Variants in LRP2 observed in about 807,000 individuals in gnomAD.
The protein encoded by LRP2 is LDL receptor related protein 2.
A neutral mutation model predicts 531.0 loss-of-function variants in LRP2; 172 were observed. The ratio of observed to expected loss-of-function variants is 0.32; its 90% CI spans 0.29 to 0.37. The LOEUF (loss-of-function observed/expected upper bound fraction) is 0.37. Ranked by LOEUF, LRP2 falls within the 10% of genes least tolerant of loss-of-function variation. The pLI is 1.00. For synonymous variants in LRP2, 1,992 were observed against 2,027.6 expected, an observed-to-expected ratio of 0.98 and a Z score of 0.47; for missense variants, 5,167 against 5,868.3, an observed-to-expected ratio of 0.88 and a Z score of 3.90.
chr2:169,165,506 T>C (rs1686749794), intron 62 of LRP2, among the ~76,000 whole-genome samples: 1 of 152,210 alleles, frequency 6.6e-6, no homozygotes, highest in Non-Finnish European at 1.5e-5. Context: ...TTGCTTCACA[T>C]GATCTCTGCA....
chr2:169,277,538 G>C (rs547279480), intron 13 of LRP2, among the ~76,000 whole-genome samples: 1 of 152,018 alleles, frequency 6.6e-6, no homozygotes, highest in East Asian at 1.9e-4. Context: ...TTTAATGAGC[G>C]TTTACCTCTT....
At chr2:169,281,919 T>G (rs1297402382) in intron 10 of LRP2, among the ~76,000 whole-genome samples, 2 of 151,730 alleles carry the variant, frequency 1.3e-5, no homozygotes, top group African/African-American at 2.4e-5. Flanking sequence ...CATTAAAAAA[T>G]CTCTAGAACT....
intron 9 of LRP2, 141 bp from the exon 10 acceptor site, chr2:169,283,142 T>G: frequency 1.3e-6 from 1 of 787,316 alleles, no homozygotes; most frequent in African/African-American, 1.7e-5. Context: ...AGGCACAGGT[T>G]CTGAGAATTT....
intron 4 of LRP2, among the ~76,000 whole-genome samples, chr2:169,296,622 A>G (rs2105475632): frequency 6.6e-6 from 1 of 152,188 alleles, no homozygotes. Flanking sequence ...TAGATAAGCT[A>G]TCTGTCTGGA....
intron 44 of LRP2, among the ~76,000 whole-genome samples, 170 bp from the exon 45 acceptor site, chr2:169,199,081 T>C (rs1688101261): frequency 6.6e-6 from 1 of 152,194 alleles, no homozygotes; most frequent in South Asian, 2.1e-4. Flanking sequence ...ATAGATTCTG[T>C]AGTAAAAAAA....
intron 16 of LRP2, among the ~76,000 whole-genome samples, chr2:169,260,122 G>C (rs1360873201): frequency 6.6e-6 from 1 of 152,102 alleles, no homozygotes; most frequent in Non-Finnish European, 1.5e-5. Context: ...ACAGATGAGA[G>C]AACCAAGTCA....
chr2:169,127,898 A>T lies in LRP2; in HGVS notation c.*765T>A, dbSNP rs559586243. On this transcript the variant is annotated 3_prime_UTR_variant, in exon 79 of 79. Coordinates refer to ENST00000649046, the MANE Select transcript of LRP2 (RefSeq NM_004525.3). Reference sequence around the variant, plus strand: ...CCAGGGTCCATCAGCAGAAGAGCTCATTTAATTAACCACAAACTCAATGCA... The same window carrying T: ...CCAGGGTCCATCAGCAGAAGAGCTCTTTTAATTAACCACAAACTCAATGCA... The T allele has an allele frequency of 1.3e-5, 2 of 152,516 alleles. No homozygotes were observed. Among genetic ancestry groups the T allele is most frequent in the South Asian group, 4.1e-4 (2 of 4,832 alleles). The allele number at this position is 152,516 out of a possible 1,614,324, so 9.4% of individuals were successfully genotyped here. A position where few individuals can be genotyped will look rare whatever the true frequency, so the allele number is the denominator to read the frequency against.
At chr2:169,176,721 T>C (rs1238028535) in intron 53 of LRP2, 133 bp from the exon 54 acceptor site, 1 of 786,988 alleles carries the variant, frequency 1.3e-6, no homozygotes, top group Non-Finnish European at 2.1e-6. Flanking sequence ...TTTATGATTT[T>C]CCCAAAAGTT....
intron 1 of LRP2, among the ~76,000 whole-genome samples, chr2:169,328,574 T>A (rs1292036870): frequency 2.6e-5 from 4 of 151,966 alleles, no homozygotes; most frequent in African/African-American, 9.6e-5. Flanking sequence ...AAATTAAATA[T>A]CCATGCAATA....
chr2:169,206,007 G>A lies in LRP2; in HGVS notation c.7556+16C>T, dbSNP rs1344471736. 6.2e-7 allele frequency: 1 copy of A among 1,614,148 alleles called. No individual in the cohort carries two copies. Among genetic ancestry groups the A allele is most frequent in the Non-Finnish European group, 8.5e-7 (1 of 1,180,006 alleles). On this transcript the variant is annotated intron_variant, in intron 40 of 78. Coordinates refer to ENST00000649046, the MANE Select transcript of LRP2 (RefSeq NM_004525.3). ...AATAAGCAGACAGAAATATAACAAGGAAGATGATGGCATACCCTTGGCAGG... is the reference window on the plus strand; with the variant it reads ...AATAAGCAGACAGAAATATAACAAGAAAGATGATGGCATACCCTTGGCAGG...
intron 67 of LRP2, 72 bp downstream of exon 67, chr2:169,152,727 C>G: frequency 6.5e-7 from 1 of 1,534,638 alleles, no homozygotes; most frequent in Non-Finnish European, 9.0e-7. Flanking sequence ...TCACTCATGG[C>G]CCATGGAGTG....
intron 52 of LRP2, 78 bp downstream of exon 52, chr2:169,181,370 C>CTAATA (rs1687424042): frequency 4.9e-6 from 7 of 1,424,126 alleles, no homozygotes; most frequent in Middle Eastern, 1.9e-4. Flanking sequence ...ATAGAGGGGA[C>CTAATA]TAATAGACTG....
chr2:169,176,449 C>A lies in LRP2; in HGVS notation c.10533G>T (p.Met3511Ile). ...QLSGSTYCMP[M>I]CSSTQFLCAN... ...CGCACAGGAACTGGGTGCTGGAGCACATGGGCATGCAGTAGGTGCTGCCAC... is the reference window on the plus strand; with the variant it reads ...CGCACAGGAACTGGGTGCTGGAGCAAATGGGCATGCAGTAGGTGCTGCCAC... Residue 3511 changes from methionine to isoleucine, a missense_variant, in exon 54 of 79, where the codon ATG (methionine) becomes ATT (isoleucine). By Grantham distance (10) the Met-to-Ile change is conservative. Around this residue, in one of 6 missense-constraint regions of LRP2, gnomAD observed 311 missense variants for 309.4 expected, o/e 1.01. Transcript: ENST00000649046. 1.2e-6 allele frequency: 2 copies of A among 1,614,194 alleles called. No homozygotes were observed. Among genetic ancestry groups the A allele is most frequent in the Non-Finnish European group, 1.7e-6 (2 of 1,180,040 alleles).
intron 34 of LRP2, among the ~76,000 whole-genome samples, chr2:169,218,753 AT>A (rs1412435464): frequency 1.3e-5 from 2 of 152,106 alleles, no homozygotes; most frequent in African/African-American, 4.8e-5. Flanking sequence ...GGCCTGGCTC[AT>A]AAAAACCTCC....
At chr2:169,361,328 CTGTCTCTCTCT>C (rs1574290153) in intron 1 of LRP2, among the ~76,000 whole-genome samples, 2 of 55,104 alleles carry the variant, frequency 3.6e-5, no homozygotes, top group East Asian at 8.2e-4. Flanking sequence ...CTGTCTCTCT[CTGTCTCTCTCT>C]GTCTCTCTCT....
rs4001548 is a variant in LRP2 at position 169,168,018 on chromosome 2, A to AATATATATATATATATATATATATATAT, written c.11635+493_11635+520dup. 3.6e-3 allele frequency among the ~76,000 whole-genome samples: 247 copies of AATATATATATATATATATATATATATAT among 68,108 alleles called. 12 individuals are homozygous for AATATATATATATATATATATATATATAT. The highest frequency in any genetic ancestry group is 0.012 in the Middle Eastern group (1 of 82). The allele number at this position is 68,108 out of a possible 152,430, so 44.7% of individuals were successfully genotyped here. ...AGACTCACAAACAAGCAGGGTTTAA[A>AATATATATATATATATATATATATATAT]ATATATATATATATATATATATATA... is the stretch of plus-strand genomic sequence containing the variant. On this transcript the variant is annotated intron_variant, in intron 61 of 78. Transcript: ENST00000649046.
rs1157903636 is a variant in LRP2 at position 169,243,497 on chromosome 2, A to G, written c.3456T>C (p.Ser1152=). 1.2e-6 allele frequency: 2 copies of G among 1,614,202 alleles called. No homozygotes were observed. Among genetic ancestry groups the G allele is most frequent in the Admixed American group, 3.3e-5 (2 of 60,026 alleles). Residue 1152 remains serine (S), a synonymous_variant, in exon 23 of 79, where the codon AGT becomes AGC. Coordinates refer to ENST00000649046, the MANE Select transcript of LRP2 (RefSeq NM_004525.3). The stretch of plus-strand genomic sequence containing the variant: ...ATCGATGATTGGGGCAATTAAACTG[A>G]CTAGGTTGGCATGTCTCTGTCGAAT... ...NCNSTETCQP[S]QFNCPNHRCI...
chr2:169,240,816 C>T, intron 25 of LRP2, 172 bp downstream of exon 25: 1 of 763,294 alleles, frequency 1.3e-6, no homozygotes, highest in Non-Finnish European at 2.3e-6. Flanking sequence ...GAAAATTATC[C>T]AATGGTGATG....
chr2:169,187,994 C>T lies in LRP2; in HGVS notation c.9304G>A (p.Asp3102Asn). 6.2e-7 allele frequency: 1 copy of T among 1,614,080 alleles called. No individual in the cohort carries two copies. Among genetic ancestry groups the T allele is most frequent in the Non-Finnish European group, 8.5e-7 (1 of 1,180,004 alleles). The change falls in exon 49 of 79, where the codon GAC (aspartate) becomes AAC (asparagine). Residue 3102 changes from aspartate to asparagine, a missense_variant. Coordinates refer to ENST00000649046, the MANE Select transcript of LRP2 (RefSeq NM_004525.3). ...KLCNHLDDCLDNSDEKGCGIN... is the reference protein window; with the variant it reads ...KLCNHLDDCLNNSDEKGCGIN... ...CCACAGCCTTTCTCATCGCTGTTGT[C>T]CAAACAGTCATCTAGGTGGTTGCAG...
Sources: gnomAD v4.1 joint callset for allele counts (sites outside exome capture counted in the v4.1 genomes callset) on GRCh38, gnomAD v4.1.1 for gene constraint, gnomAD v4.1.1 regional missense constraint, MANE v1.5 for transcripts, NCBI Gene and HGNC (gene_info 2026-07-23, HGNC 2026-07-21) for gene names.